Variants in LRRTM4 observed in about 807,000 individuals in gnomAD.
LRRTM4 encodes leucine rich repeat transmembrane neuronal 4, also known as leucine-rich repeat transmembrane neuronal protein 4.
LRRTM4 carries 25 observed loss-of-function variants against 47.6 expected under a neutral mutation model. The observed-to-expected ratio is 0.53, with a 90% confidence interval of 0.38 to 0.73. The LOEUF (loss-of-function observed/expected upper bound fraction) is 0.73. Ranked by LOEUF, LRRTM4 falls within the 30% of genes least tolerant of loss-of-function variation. LRRTM4 has a pLI of 0.00. For missense variants in LRRTM4, 638 were observed against 713.4 expected (o/e 0.89, Z 1.20); for synonymous variants, 311 against 269.5 (o/e 1.15, Z -1.51).
At chr2:76,808,886 C>T (rs1164989478) in intron 3 of LRRTM4, among the ~76,000 whole-genome samples, 1 of 152,008 alleles carries the variant, frequency 6.6e-6, no homozygotes, top group Non-Finnish European at 1.5e-5. Flanking sequence ...AGATGTTTTC[C>T]TCCATTTCTT....
rs1313496957 is a variant in LRRTM4, at chr2:76,748,248, T to C, written c.*447A>G. 6.4e-6 allele frequency: 1 copy of C among 155,226 alleles called. No homozygotes were observed. Among genetic ancestry groups the C allele is most frequent in the Non-Finnish European group, 1.4e-5 (1 of 70,362 alleles). The allele number at this position is 155,226 out of a possible 1,614,324, so 9.6% of individuals were successfully genotyped here. A position where few individuals can be genotyped will look rare whatever the true frequency, so the allele number is the denominator to read the frequency against. The stretch of plus-strand genomic sequence containing the variant: ...ATAAATGAAAGCAATTTAAATAAAA[T>C]CTGTGAGAATTACACACACCTAAAG... On this transcript the variant is annotated 3_prime_UTR_variant, in exon 4 of 4. Coordinates refer to ENST00000409884, the MANE Select transcript of LRRTM4 (RefSeq NM_001134745.3).
intron 3 of LRRTM4, among the ~76,000 whole-genome samples, chr2:76,916,348 G>A (rs1312941737): frequency 1.6e-5 from 2 of 123,968 alleles, no homozygotes; most frequent in African/African-American, 3.2e-5. Flanking sequence ...TCGTGCCACC[G>A]CACTCCAGCC....
intron 3 of LRRTM4, among the ~76,000 whole-genome samples, chr2:76,945,325 C>T (rs563319232): frequency 2.0e-5 from 3 of 151,980 alleles, no homozygotes; most frequent in Non-Finnish European, 4.4e-5. Context: ...GTATATTTAT[C>T]GGTCTCAGAG....
At chr2:76,924,007 A>C (rs553289810) in intron 3 of LRRTM4, among the ~76,000 whole-genome samples, 18 of 151,982 alleles carry the variant, frequency 1.2e-4, no homozygotes, top group African/African-American at 3.9e-4. Context: ...CGGTGTTTTC[A>C]TTTAGGTTTC....
chr2:77,246,149 A>G (rs1467403396), intron 3 of LRRTM4, among the ~76,000 whole-genome samples: 1 of 152,186 alleles, frequency 6.6e-6, no homozygotes, highest in Non-Finnish European at 1.5e-5. Flanking sequence ...TGCAAGTGAC[A>G]AAACAATTTA....
At chr2:76,942,682 G>T (rs1425205877) in intron 3 of LRRTM4, among the ~76,000 whole-genome samples, 2 of 151,386 alleles carry the variant, frequency 1.3e-5, no homozygotes, top group Non-Finnish European at 2.9e-5. Context: ...GAATCTGTGT[G>T]TGTGTGTGTG....
At chr2:77,351,689 G>A (rs1406076234) in intron 3 of LRRTM4, among the ~76,000 whole-genome samples, 1 of 149,650 alleles carries the variant, frequency 6.7e-6, no homozygotes, top group Non-Finnish European at 1.5e-5. Context: ...ATAATTACAT[G>A]AGCATAGAGA....
chr2:77,027,246 G>A (rs1678486194), intron 3 of LRRTM4, among the ~76,000 whole-genome samples: 1 of 152,080 alleles, frequency 6.6e-6, no homozygotes, highest in Admixed American at 6.5e-5. Context: ...GTAAGAGCAA[G>A]ATTCAATTTT....
At chr2:77,068,230 G>A (rs1034114593) in intron 3 of LRRTM4, among the ~76,000 whole-genome samples, 1 of 152,036 alleles carries the variant, frequency 6.6e-6, no homozygotes, top group African/African-American at 2.4e-5. Context: ...TATTGAAAAG[G>A]GAGAACATCT....
At chr2:77,077,832 T>A (rs999431662) in intron 3 of LRRTM4, among the ~76,000 whole-genome samples, 1 of 152,182 alleles carries the variant, frequency 6.6e-6, no homozygotes, top group Non-Finnish European at 1.5e-5. Flanking sequence ...TTGAAGGAGT[T>A]TGCATTTTGA....
At chr2:77,233,842 A>C (rs1047488343) in intron 3 of LRRTM4, among the ~76,000 whole-genome samples, 3 of 152,180 alleles carry the variant, frequency 2.0e-5, no homozygotes, top group Non-Finnish European at 2.9e-5. Context: ...GCTGGAGTGC[A>C]ACAGCGCGAT....
chr2:77,483,360 G>A (rs1369606068), intron 3 of LRRTM4, among the ~76,000 whole-genome samples: 1 of 151,928 alleles, frequency 6.6e-6, no homozygotes, highest in Non-Finnish European at 1.5e-5. Context: ...AGTGGTGGAG[G>A]GGGACAGTCT....
At chr2:76,860,766 A>G (rs566634819) in intron 3 of LRRTM4, among the ~76,000 whole-genome samples, 2 of 152,176 alleles carry the variant, frequency 1.3e-5, no homozygotes, top group Non-Finnish European at 2.9e-5. Context: ...CTCCAGAAAT[A>G]TAAATACACT....
rs555126848 is a variant in LRRTM4, at chr2:76,851,185, A to G, written c.1552-102269T>C. ...ATTTCAGGTGATTTACAGAGTGGGA[A>G]GCACACCAAATCTGAAATTATGATG... On this transcript the variant is annotated intron_variant, in intron 3 of 3. Coordinates refer to ENST00000409884, the MANE Select transcript of LRRTM4 (RefSeq NM_001134745.3). Among the ~76,000 whole-genome samples, 11 of 152,294 alleles carry G rather than the reference A, an allele frequency of 7.2e-5. No homozygotes were observed. The East Asian group carries it at 2.1e-3, about 29-fold the overall frequency.
intron 3 of LRRTM4, among the ~76,000 whole-genome samples, chr2:76,999,257 C>A (rs1677323939): frequency 1.3e-5 from 2 of 152,018 alleles, no homozygotes; most frequent in Admixed American, 6.6e-5. Context: ...GATCCAAATC[C>A]CTCAGCTCTC....
chr2:77,010,353 T>C (rs1323647772), intron 3 of LRRTM4, among the ~76,000 whole-genome samples: 1 of 152,096 alleles, frequency 6.6e-6, no homozygotes, highest in Non-Finnish European at 1.5e-5. Flanking sequence ...TTGATTTTTT[T>C]TACATTCCAT....
At chr2:77,161,770 G>A (rs1672735386) in intron 3 of LRRTM4, among the ~76,000 whole-genome samples, 2 of 151,850 alleles carry the variant, frequency 1.3e-5, no homozygotes, top group African/African-American at 2.4e-5. Flanking sequence ...TTTTTTCTGT[G>A]AAAATGTCTT....
chr2:76,864,440 C>G (rs1672406658), intron 3 of LRRTM4, among the ~76,000 whole-genome samples: 1 of 151,822 alleles, frequency 6.6e-6, no homozygotes, highest in Admixed American at 6.6e-5. Context: ...GGCGGATCAT[C>G]TGAGGTCAGG....
rs1459730332 is a variant in LRRTM4 at position 76,908,192 on chromosome 2, C to T, written c.1552-159276G>A. ...TGGGATGCAAGGCTGGTTCAATATA[C>T]GCAAATCAATAAATGTAATCCAGCA... On this transcript the variant is annotated intron_variant, in intron 3 of 3. Transcript: ENST00000409884. Among the ~76,000 whole-genome samples, 1,083 of 149,748 alleles carry T rather than the reference C, an allele frequency of 7.2e-3. 6 individuals carry two copies. The highest frequency in any genetic ancestry group is 0.011 in the Non-Finnish European group (769 of 67,100).
Sources: allele counts gnomAD v4.1 joint callset (sites outside exome capture counted in the v4.1 genomes callset), GRCh38; gene constraint gnomAD v4.1.1; transcripts MANE v1.5; gene names NCBI Gene and HGNC (gene_info 2026-07-23, HGNC 2026-07-21).